Variants in CABIN1 observed in about 807,000 individuals in gnomAD.
CABIN1 encodes calcineurin-binding protein cabin-1.
Under a neutral mutation model 227.7 loss-of-function variants are expected in CABIN1, and 133 were observed. That is an observed-to-expected ratio of 0.58 (90% CI 0.51 to 0.67). The LOEUF (loss-of-function observed/expected upper bound fraction) is 0.67, where lower values mean the gene tolerates loss of function less well. Ranked by LOEUF, CABIN1 falls within the 30% of genes least tolerant of loss-of-function variation. CABIN1 has a pLI of 0.00. For synonymous variants in CABIN1, 1,086 were observed against 1,155.1 expected, an observed-to-expected ratio of 0.94 and a Z score of 1.21; for missense variants, 2,408 against 2,852.5, an observed-to-expected ratio of 0.84 and a Z score of 3.55.
chr22:24,048,067 T>C (rs1293866886), intron 6 of CABIN1, among the ~76,000 whole-genome samples: 1 of 152,216 alleles, frequency 6.6e-6, no homozygotes, highest in African/African-American at 2.4e-5. Context: ...GGAGCTGGAG[T>C]TGGCACAGGC....
chr22:24,078,050 G>C (rs1432327469), intron 19 of CABIN1, among the ~76,000 whole-genome samples: 7 of 152,146 alleles, frequency 4.6e-5, no homozygotes, highest in Admixed American at 2.6e-4. Flanking sequence ...TGACCACCCT[G>C]TGCCTTCTGC....
chr22:24,137,654 C>G (rs1245264030), intron 29 of CABIN1, among the ~76,000 whole-genome samples: 1 of 152,258 alleles, frequency 6.6e-6, no homozygotes, highest in African/African-American at 2.4e-5. Flanking sequence ...GCTTTCTTAC[C>G]TCTTCTCTTT....
At chr22:24,141,803 G>A (rs573867149) in intron 29 of CABIN1, among the ~76,000 whole-genome samples, 1 of 152,290 alleles carries the variant, frequency 6.6e-6, no homozygotes, top group African/African-American at 2.4e-5. Flanking sequence ...GGTTCTGTTT[G>A]TCCTGACTGT....
intron 26 of CABIN1, among the ~76,000 whole-genome samples, chr22:24,101,969 A>G (rs755300620): frequency 4.3e-4 from 66 of 152,248 alleles, no homozygotes; most frequent in African/African-American, 1.5e-3. Context: ...GGGTAGTAGC[A>G]TGTCTCCATC....
intron 28 of CABIN1, among the ~76,000 whole-genome samples, chr22:24,128,634 A>G (rs762784225): frequency 2.0e-5 from 3 of 152,180 alleles, no homozygotes; most frequent in Non-Finnish European, 2.9e-5. Flanking sequence ...GGTGGCTCCA[A>G]AGGCTGCAGA....
intron 20 of CABIN1, 94 bp from the exon 21 acceptor site, chr22:24,084,485 C>A: frequency 1.0e-6 from 1 of 999,136 alleles, no homozygotes; most frequent in Non-Finnish European, 1.6e-6. Flanking sequence ...ACCTCATTTA[C>A]ATTGGACAAA....
rs374922853 is a variant in CABIN1 at position 24,076,151 on chromosome 22, G to A, written c.2633-18G>A. On this transcript the variant is annotated intron_variant, in intron 18 of 36. Coordinates refer to ENST00000263119, the MANE Select transcript of CABIN1 (RefSeq NM_012295.4). ...TTCCCACACTAACTCTGTGTCTGTCGGCCTGGGCTTTCCCTAGGGATGTCA... is the reference window on the plus strand; with the variant it reads ...TTCCCACACTAACTCTGTGTCTGTCAGCCTGGGCTTTCCCTAGGGATGTCA... The A allele has an allele frequency of 1.1e-5, 18 of 1,601,380 alleles. No homozygotes were observed. The highest frequency in any genetic ancestry group is 2.2e-5 in the East Asian group (1 of 44,824).
At chr22:24,062,492 G>A (rs895545451) in intron 13 of CABIN1, among the ~76,000 whole-genome samples, 1 of 151,770 alleles carries the variant, frequency 6.6e-6, no homozygotes, top group Non-Finnish European at 1.5e-5. Context: ...CGAGGAGCTG[G>A]GACTACAGGC....
In CABIN1 at chr22:24,175,849, A is replaced by G. The variant is rs539160296; in HGVS notation, c.6041-262A>G. 3.8e-5 allele frequency: 22 copies of G among 572,934 alleles called. No individual in the cohort carries two copies. The East Asian group carries it at 6.6e-4, about 17-fold the overall frequency. 35.5% of individuals were successfully genotyped at this position (572,934 alleles called of 1,614,324 possible). A position where few individuals can be genotyped will look rare whatever the true frequency, so the allele number is the denominator to read the frequency against. ...GCCTCGAAGACTCAGGTGTGGCCCC[A>G]CTGGGTCAGGTGTATAGCCCTCTCG... On this transcript the variant is annotated intron_variant, in intron 34 of 36. Coordinates refer to ENST00000263119, the MANE Select transcript of CABIN1 (RefSeq NM_012295.4).
chr22:24,090,517 ATT>A (rs11356877), intron 23 of CABIN1, among the ~76,000 whole-genome samples: 291 of 122,374 alleles, frequency 2.4e-3, no homozygotes, highest in African/African-American at 8.3e-3. Flanking sequence ...CTGTGTGGTC[ATT>A]TTTTTTTTTT....
chr22:24,134,259 G>A (rs750376082), intron 28 of CABIN1, 43 bp from the exon 29 acceptor site: 1 of 1,510,016 alleles, frequency 6.6e-7, no homozygotes, highest in South Asian at 1.1e-5. Context: ...GGCGCCCTGA[G>A]CAGCCCACAC....
At chr22:24,063,899 A>AGG in intron 14 of CABIN1, 136 bp from the exon 15 acceptor site, 1 of 986,778 alleles carries the variant, frequency 1.0e-6, no homozygotes, top group Non-Finnish European at 1.6e-6. Flanking sequence ...GGCCTTTCTT[A>AGG]GGGGGGTACA....
intron 16 of CABIN1, among the ~76,000 whole-genome samples, chr22:24,070,426 C>T (rs952880219): frequency 1.3e-5 from 2 of 152,266 alleles, no homozygotes; most frequent in Admixed American, 6.5e-5. Flanking sequence ...GAACCCCCTC[C>T]AGAGCCCTGG....
chr22:24,061,211 A>G (rs2039165478), intron 12 of CABIN1, among the ~76,000 whole-genome samples: 1 of 152,208 alleles, frequency 6.6e-6, no homozygotes, highest in Admixed American at 6.5e-5. Context: ...TCCACACCCC[A>G]GCCTCCTCCA....
intron 10 of CABIN1, among the ~76,000 whole-genome samples, 162 bp from the exon 11 acceptor site, chr22:24,059,065 A>G (rs1444851239): frequency 6.6e-6 from 1 of 152,242 alleles, no homozygotes; most frequent in Non-Finnish European, 1.5e-5. Flanking sequence ...GAGGCCCTGG[A>G]GAGAGGCAGA....
Position 24,064,512 on chromosome 22 carries a change from G to GTTTTTTT in CABIN1, c.2037+342_2037+348dup, listed in dbSNP as rs782268156. On this transcript the variant is annotated intron_variant, in intron 15 of 36. Coordinates refer to ENST00000263119, the MANE Select transcript of CABIN1 (RefSeq NM_012295.4). The stretch of plus-strand genomic sequence containing the variant: ...GTGAGCCACTGTGCCCAGCTGAAAG[G>GTTTTTTT]TTTTTTTTTTTTTTTTTTTTTTTAT... Among the ~76,000 whole-genome samples the GTTTTTTT allele has an allele frequency of 6.4e-4, 68 of 106,850 alleles. 1 individual carries two copies. Among genetic ancestry groups the GTTTTTTT allele is most frequent in the East Asian group, 1.2e-3 (4 of 3,434 alleles). 70.1% of individuals were successfully genotyped at this position (106,850 alleles called of 152,430 possible).
chr22:24,171,060 C>T (rs1024715857), intron 33 of CABIN1, among the ~76,000 whole-genome samples: 3 of 152,224 alleles, frequency 2.0e-5, no homozygotes, highest in African/African-American at 7.2e-5. Context: ...CCAAAAGGGC[C>T]TCATGGCAGA....
At chr22:24,048,667 C>T (rs780318417) in intron 6 of CABIN1, among the ~76,000 whole-genome samples, 3 of 152,170 alleles carry the variant, frequency 2.0e-5, no homozygotes, top group Non-Finnish European at 4.4e-5. Flanking sequence ...GCAATCTGCC[C>T]AACTCGGCCT....
intron 2 of CABIN1, among the ~76,000 whole-genome samples, chr22:24,035,806 G>A (rs1350647708): frequency 6.6e-6 from 1 of 151,956 alleles, no homozygotes; most frequent in African/African-American, 2.4e-5. Flanking sequence ...CTGTTGCTGG[G>A]GTGTCCCCAG....
Sources: gnomAD v4.1 joint callset for allele counts (sites outside exome capture counted in the v4.1 genomes callset) on GRCh38, gnomAD v4.1.1 for gene constraint, MANE v1.5 for transcripts, NCBI Gene and HGNC (gene_info 2026-07-23, HGNC 2026-07-21) for gene names.